The following PPFIBP1 variants were observed in gnomAD, a reference collection of about 807,000 sequenced individuals.
PPFIBP1 encodes the protein PPFIB scaffold protein 1, also known as liprin-beta-1.
Under a neutral mutation model 137.8 loss-of-function variants are expected in PPFIBP1, and 112 were observed. That is an observed-to-expected ratio of 0.81 (90% CI 0.70 to 0.95). The LOEUF is 0.95. Ranked by LOEUF, PPFIBP1 falls within the 40% of genes least tolerant of loss-of-function variation. The probability of loss-of-function intolerance (pLI) is 0.00; values close to 1 mark genes in which losing one functional copy is unlikely to be tolerated. For missense variants in PPFIBP1, 1,083 were observed against 1,196.6 expected (o/e 0.91, Z 1.40); for synonymous variants, 378 against 417.3 (o/e 0.91, Z 1.15).
At chr12:27,553,628 G>A (rs1205831576) in intron 1 of PPFIBP1, among the ~76,000 whole-genome samples, 3 of 152,210 alleles carry the variant, frequency 2.0e-5, no homozygotes, top group Admixed American at 2.0e-4. Context: ...CCAGTGATAA[G>A]GAAAAGACCC....
At chr12:27,596,100 A>ACACACG (rs1441914758) in intron 2 of PPFIBP1, among the ~76,000 whole-genome samples, 1 of 147,530 alleles carries the variant, frequency 6.8e-6, no homozygotes, top group Non-Finnish European at 1.5e-5. Flanking sequence ...ACACACACAC[A>ACACACG]CACACACATA....
chr12:27,606,138 C>A (rs2054500781), intron 2 of PPFIBP1, among the ~76,000 whole-genome samples: 1 of 152,128 alleles, frequency 6.6e-6, no homozygotes, highest in South Asian at 2.1e-4. Context: ...AAAGATGAAC[C>A]CAAATTGCTT....
At chr12:27,561,158 G>A (rs2049129040) in intron 1 of PPFIBP1, among the ~76,000 whole-genome samples, 1 of 152,158 alleles carries the variant, frequency 6.6e-6, no homozygotes, top group East Asian at 1.9e-4. Context: ...AGGGACCACT[G>A]GGTTTCTTTA....
intron 19 of PPFIBP1, among the ~76,000 whole-genome samples, chr12:27,679,008 A>G (rs985441401): frequency 6.6e-6 from 1 of 152,126 alleles, no homozygotes; most frequent in African/African-American, 2.4e-5. Flanking sequence ...GATTAGGCCC[A>G]GAGATTCTGA....
At chr12:27,643,160 A>G (rs1394425057) in intron 4 of PPFIBP1, among the ~76,000 whole-genome samples, 17 of 146,224 alleles carry the variant, frequency 1.2e-4, no homozygotes, top group Non-Finnish European at 2.4e-4. Flanking sequence ...ATAGAGGTCA[A>G]CCATGGCGTG....
chr12:27,551,245 C>T (rs1946747608), intron 1 of PPFIBP1, among the ~76,000 whole-genome samples: 1 of 152,086 alleles, frequency 6.6e-6, no homozygotes, highest in African/African-American at 2.4e-5. Context: ...AGCACCTAAC[C>T]CAGCCTTGTG....
At position 27,660,919 on chromosome 12, in the gene PPFIBP1, T is replaced by C; in HGVS notation, c.880T>C (p.Ser294Pro). ...ACAAAAAATGAAAAAAGCTGTGGAG[T>C]CCTTGATGGCAGCAAATGAAGAAAA... Reference protein sequence around the residue: ...EVQKMKKAVESLMAANEEKDR... With the variant: ...EVQKMKKAVEPLMAANEEKDR... The change falls in exon 11 of 30, where the codon TCC becomes CCC. Residue 294 changes from serine to proline, a missense_variant. Ser to Pro is a moderately conservative substitution (Grantham distance 74). Transcript: ENST00000228425. The C allele has an allele frequency of 3.1e-6, 5 of 1,613,322 alleles. No individual in the cohort carries two copies. The highest frequency in any genetic ancestry group is 4.2e-6 in the Non-Finnish European group (5 of 1,179,724).
intron 2 of PPFIBP1, among the ~76,000 whole-genome samples, chr12:27,616,394 A>G (rs1358503323): frequency 6.7e-6 from 1 of 148,468 alleles, no homozygotes; most frequent in East Asian, 2.0e-4. Context: ...ATGATCTTTG[A>G]TGGCATTTTG....
chr12:27,694,459 G>C lies in PPFIBP1; in HGVS notation c.*1577G>C, dbSNP rs2061687535. On this transcript the variant is annotated 3_prime_UTR_variant, in exon 30 of 30. Coordinates refer to ENST00000228425, the MANE Select transcript of PPFIBP1 (RefSeq NM_003622.4). Reference sequence around the variant, plus strand: ...ACTGTGTCATTACAGCAAAATACTAGCAGTCTGCCTAAACATGTTCATTGT... The same window carrying C: ...ACTGTGTCATTACAGCAAAATACTACCAGTCTGCCTAAACATGTTCATTGT... 1 of 152,174 alleles carries C rather than the reference G, an allele frequency of 6.6e-6. No individual in the cohort carries two copies. Among genetic ancestry groups the C allele is most frequent in the Non-Finnish European group, 1.5e-5 (1 of 68,032 alleles). The allele number at this position is 152,174 out of a possible 1,614,324, so 9.4% of individuals were successfully genotyped here.
chr12:27,585,531 T>C (rs908904060), intron 2 of PPFIBP1, among the ~76,000 whole-genome samples: 1 of 152,242 alleles, frequency 6.6e-6, no homozygotes, highest in African/African-American at 2.4e-5. Context: ...TTATTTATCA[T>C]GGAGCTACTG....
At chr12:27,620,695 TTTGATC>T (rs2056262422) in intron 2 of PPFIBP1, among the ~76,000 whole-genome samples, 1 of 115,396 alleles carries the variant, frequency 8.7e-6, no homozygotes, top group East Asian at 2.5e-4. Flanking sequence ...TGTGCCTCAG[TTTGATC>T]ACCAATAAAG....
intron 17 of PPFIBP1, among the ~76,000 whole-genome samples, chr12:27,674,624 A>T (rs188562485): frequency 6.6e-6 from 1 of 152,240 alleles, no homozygotes; most frequent in Admixed American, 6.6e-5. Context: ...AAGTTATTAA[A>T]AAACAAAACC....
chr12:27,528,433 G>T (rs1409952101), intron 1 of PPFIBP1, among the ~76,000 whole-genome samples: 1 of 152,114 alleles, frequency 6.6e-6, no homozygotes, highest in Non-Finnish European at 1.5e-5. Context: ...TTATTGCAGT[G>T]CACGTCAGAA....
chr12:27,539,422 A>G (rs990858917), intron 1 of PPFIBP1, among the ~76,000 whole-genome samples: 4 of 152,126 alleles, frequency 2.6e-5, no homozygotes, highest in African/African-American at 9.7e-5. Flanking sequence ...TTGCTTTACT[A>G]GTTTGTTCTG....
intron 2 of PPFIBP1, among the ~76,000 whole-genome samples, chr12:27,628,377 C>A (rs1192282149): frequency 6.6e-6 from 1 of 152,136 alleles, no homozygotes; most frequent in Non-Finnish European, 1.5e-5. Flanking sequence ...CAGGGTCTCA[C>A]TATGTGGCCC....
Position 27,652,003 on chromosome 12 carries a change from A to G in PPFIBP1, c.603+1862A>G, listed in dbSNP as rs1425868387. Among the ~76,000 whole-genome samples the G allele has an allele frequency of 3.3e-5, 5 of 152,136 alleles. No homozygotes were observed. The East Asian group carries it at 9.6e-4, about 29-fold the overall frequency. On this transcript the variant is annotated intron_variant, in intron 7 of 29. Coordinates refer to ENST00000228425, the MANE Select transcript of PPFIBP1 (RefSeq NM_003622.4). ...ATAAAAATTCAGTGTTATTTCTAAA[A>G]CGTATGCACAGACCCGGAGATTAGA...
chr12:27,647,305 TC>T (rs78114689), intron 5 of PPFIBP1, among the ~76,000 whole-genome samples: 5,325 of 152,100 alleles, frequency 0.035, 192 homozygotes, highest in East Asian at 0.12. Context: ...ATGCTACCTC[TC>T]CCCCCTACCC....
In PPFIBP1 at chr12:27,676,447, G is replaced by A. The variant is rs375725857; in HGVS notation, c.1430G>A (p.Ser477Asn). 1 of 1,546,818 alleles carries A rather than the reference G, an allele frequency of 6.5e-7. No individual in the cohort carries two copies. The highest frequency in any genetic ancestry group is 8.7e-7 in the Non-Finnish European group (1 of 1,147,208). ...TCTCAGGACAGAGCTCCGGCAGAAA[G>A]CAGGCCATTTGGGACCCTTCCTCCC... ...KTSEDRAPAE[S>N]RPFGTLPPRP... is the part of the protein sequence containing the mutation. Residue 477 changes from serine to asparagine, a missense_variant, in exon 18 of 30, where the codon AGC becomes AAC. Ser to Asn is a conservative substitution (Grantham distance 46, BLOSUM62 1). Coordinates refer to ENST00000228425, the MANE Select transcript of PPFIBP1 (RefSeq NM_003622.4).
chr12:27,601,120 T>C (rs2053940284), intron 2 of PPFIBP1, among the ~76,000 whole-genome samples: 1 of 152,150 alleles, frequency 6.6e-6, no homozygotes, highest in South Asian at 2.1e-4. Context: ...TCCCTTTCCC[T>C]CTTTACTCCC....
Sources: allele counts gnomAD v4.1 joint callset (sites outside exome capture counted in the v4.1 genomes callset), GRCh38; gene constraint gnomAD v4.1.1; transcripts MANE v1.5; gene names NCBI Gene and HGNC (gene_info 2026-07-23, HGNC 2026-07-21).